Variants in GPAT2 observed in about 807,000 individuals in gnomAD.
The protein encoded by GPAT2 is glycerol-3-phosphate acyltransferase 2, mitochondrial.
Under a neutral mutation model 71.0 loss-of-function variants are expected in GPAT2, and 51 were observed. The observed-to-expected ratio is 0.72, with a 90% CI of 0.57 to 0.91. The LOEUF is 0.91. GPAT2 is among the 40% of genes least tolerant of loss of function. GPAT2 has a pLI of 0.00. For synonymous variants in GPAT2, 222 were observed against 290.3 expected (o/e 0.76, Z 2.39); for missense variants, 511 against 666.0 (o/e 0.77, Z 2.56).
chr2:96,024,485 T>C lies in GPAT2; in HGVS notation c.1629A>G (p.Thr543=). Reference sequence around the variant, plus strand: ...GCTCAGCACTCAGTTGTGCCAGGTGTGTGAGGCCTGGGCCAGGCTGCGGCA... The same window carrying C: ...GCTCAGCACTCAGTTGTGCCAGGTGCGTGAGGCCTGGGCCAGGCTGCGGCA... ...LVVPQPGPGL[T]HLAQLSAELL... is the part of the protein sequence containing the mutation. Residue 543 remains threonine, a synonymous_variant, in exon 15 of 22, where the codon ACA becomes ACG. Coordinates refer to ENST00000434632, the MANE Select transcript of GPAT2 (RefSeq NM_001321527.2). 5 of 1,613,970 alleles carry C rather than the reference T, an allele frequency of 3.1e-6. No homozygotes were observed. The highest frequency in any genetic ancestry group is 4.2e-6 in the Non-Finnish European group (5 of 1,179,932).
Position 96,024,699 on chromosome 2 carries a change from G to C in GPAT2, c.1429-14C>G, listed in dbSNP as rs112622476. The C allele has an allele frequency of 1.7e-5, 28 of 1,613,690 alleles. No homozygotes were observed. Among genetic ancestry groups the C allele is most frequent in the African/African-American group, 1.6e-4 (12 of 74,982 alleles). On this transcript the variant is annotated splice_polypyrimidine_tract_variant and intron_variant, in intron 14 of 21. Coordinates refer to ENST00000434632, the MANE Select transcript of GPAT2 (RefSeq NM_001321527.2). ...CAGGAACACACCCTGGGTGGGCAGA[G>C]CAGGGCTAGGCAGCAGGGCCACACA...
intron 6 of GPAT2, among the ~76,000 whole-genome samples, chr2:96,029,239 A>AGGCTGAT (rs1227849304): frequency 2.8e-5 from 1 of 35,548 alleles, no homozygotes; most frequent in Non-Finnish European, 6.4e-5. Flanking sequence ...ACAGAAAGGG[A>AGGCTGAT]GGCTGATGGC....
In GPAT2 at chr2:96,022,082, CCT is replaced by C. The variant is rs1325051298; in HGVS notation, c.*75_*76del. ...TAGAGCAGCTAAGGGTTTGCAGCCTCCTCTCCATCTTCTGGCTCTAGGACACA... is the reference window on the plus strand; with the variant it reads ...TAGAGCAGCTAAGGGTTTGCAGCCTCCTCCATCTTCTGGCTCTAGGACACA... On this transcript the variant is annotated 3_prime_UTR_variant, in exon 22 of 22. Coordinates refer to ENST00000434632, the MANE Select transcript of GPAT2 (RefSeq NM_001321527.2). The C allele has an allele frequency of 6.5e-7, 1 of 1,547,282 alleles. No individual in the cohort carries two copies. The highest frequency in any genetic ancestry group is 8.7e-7 in the Non-Finnish European group (1 of 1,147,518).
chr2:96,024,979 G>T, intron 13 of GPAT2, 136 bp from the exon 14 acceptor site: 2 of 1,012,916 alleles, frequency 2.0e-6, no homozygotes, highest in South Asian at 1.3e-5. Context: ...CGGAGCAGTG[G>T]TGTTTATCAT....
At chr2:96,023,248 G>T (rs767144302) in intron 18 of GPAT2, 22 bp from the exon 19 acceptor site, 1 of 1,612,828 alleles carries the variant, frequency 6.2e-7, no homozygotes, top group South Asian at 1.1e-5. Context: ...AGGCCGGGGT[G>T]AGTGCAGCTC....
At chr2:96,024,076 G>A in intron 16 of GPAT2, 76 bp from the exon 17 acceptor site, 2 of 1,596,784 alleles carry the variant, frequency 1.3e-6, no homozygotes, top group Non-Finnish European at 1.7e-6. Context: ...GACCGGGCAA[G>A]GCCACACCTA....
rs542047970 is a variant in GPAT2 at position 96,022,159 on chromosome 2, C to T, written c.2406G>A (p.Ter802=). Residue 802 remains the stop codon, a stop_retained_variant, in exon 22 of 22, where the codon TAG becomes TAA. Coordinates refer to ENST00000434632, the MANE Select transcript of GPAT2 (RefSeq NM_001321527.2). ...TCAGCACAGGCTCCTCCTCACAGTT[C>T]TAGCTACAAATGAACTGCCGGATGA... ...EQFIRQFICS[*] The T allele has an allele frequency of 6.2e-7, 1 of 1,610,428 alleles. No homozygotes were observed. Among genetic ancestry groups the T allele is most frequent in the Admixed American group, 1.7e-5 (1 of 59,852 alleles).
Position 96,024,506 on chromosome 2 carries a change from C to T in GPAT2, c.1608G>A (p.Pro536=), listed in dbSNP as rs201979245. 2.6e-5 allele frequency: 42 copies of T among 1,613,794 alleles called. No homozygotes were observed. Among genetic ancestry groups the T allele is most frequent in the Admixed American group, 5.0e-5 (3 of 60,032 alleles). The stretch of plus-strand genomic sequence containing the variant: ...GGTGTGTGAGGCCTGGGCCAGGCTG[C>T]GGCACCACCAGCAAGTCACCCTGAC... ...RIRQGDLLVV[P]QPGPGLTHLA... Residue 536 remains proline (P), a synonymous_variant, in exon 15 of 22, where the codon CCG becomes CCA. Transcript: ENST00000434632.
intron 16 of GPAT2, 44 bp from the exon 17 acceptor site, chr2:96,024,044 C>T: frequency 6.3e-7 from 1 of 1,577,786 alleles, no homozygotes; most frequent in Non-Finnish European, 8.6e-7. Flanking sequence ...GAGCCAGGCA[C>T]ATGGGCAGGG....
At chr2:96,032,005 C>CT (rs1373848878) in intron 3 of GPAT2, 28 bp downstream of exon 3, 1 of 1,482,724 alleles carries the variant, frequency 6.7e-7, no homozygotes, top group Non-Finnish European at 9.2e-7. Flanking sequence ...AAGCTTCCTG[C>CT]TTGGGGCCTG....
chr2:96,031,988 C>T, intron 3 of GPAT2, 45 bp downstream of exon 3: 1 of 1,477,838 alleles, frequency 6.8e-7, no homozygotes, highest in Non-Finnish European at 9.2e-7. Context: ...CTTCGGCTCC[C>T]AGAACCAAGC....
chr2:96,025,318 G>A (rs2104638431), intron 13 of GPAT2, 167 bp downstream of exon 13: 3 of 934,950 alleles, frequency 3.2e-6, no homozygotes, highest in Non-Finnish European at 4.6e-6. Flanking sequence ...CTGGCTGCCT[G>A]CTCCTCCTGT....
chr2:96,026,262 A>G lies in GPAT2; in HGVS notation c.1076T>C (p.Leu359Pro). The G allele has an allele frequency of 1.2e-6, 2 of 1,605,950 alleles. No homozygotes were observed. The highest frequency in any genetic ancestry group is 1.1e-5 in the South Asian group (1 of 90,110). ...GCCCCAGCGGCTCCACAAGCTACGT[A>G]GGACAGCCAGAGCTCCTGTCCACAG... ...LGLWTGALAV[L>P]RSLWSRWGCS... The change falls in exon 11 of 22, where the codon CTA becomes CCA. Residue 359 changes from leucine to proline, a missense_variant. This residue lies in a region of GPAT2 where 79 missense variants were observed against 111.4 expected (regional missense o/e 0.71). Coordinates refer to ENST00000434632, the MANE Select transcript of GPAT2 (RefSeq NM_001321527.2).
At chr2:96,024,916 A>G (rs1680226392) in intron 13 of GPAT2, 73 bp from the exon 14 acceptor site, 1 of 1,546,554 alleles carries the variant, frequency 6.5e-7, no homozygotes, top group African/African-American at 1.4e-5. Flanking sequence ...TGATCTAGCA[A>G]GTCTTCCTAG....
In GPAT2 at chr2:96,024,551, G is replaced by A. The variant is rs374154429; in HGVS notation, c.1563C>T (p.His521=). The change falls in exon 15 of 22, where the codon CAC becomes CAT. Residue 521 remains histidine (H), a synonymous_variant. Transcript: ENST00000434632. ...LQHSLSLLRA[H]VALLRIRQGD... ...CCTGACGGATGCGCAGCAGGGCCAC[G>A]TGCGCCCGCAGCAGGCTCAGTGAGT... 2.9e-5 allele frequency: 46 copies of A among 1,613,726 alleles called. No homozygotes were observed. The highest frequency in any genetic ancestry group is 1.0e-4 in the Admixed American group (6 of 59,990).
At position 96,026,365 on chromosome 2, in the gene GPAT2, G is replaced by C. The variant is rs1680418591; in HGVS notation, c.1033-60C>G. On this transcript the variant is annotated intron_variant, in intron 10 of 21. Coordinates refer to ENST00000434632, the MANE Select transcript of GPAT2 (RefSeq NM_001321527.2). ...GGACACTGCTCTCGGGCGGACATCA[G>C]GGCTGCCCACCCATCCTGGTCTCCA... 2.1e-6 allele frequency: 3 copies of C among 1,398,266 alleles called. No homozygotes were observed. In the East Asian group the frequency reaches 7.8e-5, roughly 36 times the overall value. 86.6% of individuals were successfully genotyped at this position (1,398,266 alleles called of 1,614,324 possible).
At position 96,025,153 on chromosome 2, in the gene GPAT2, G is replaced by A. The variant is rs549554148; in HGVS notation, c.1358-310C>T. 9.6e-4 allele frequency: 547 copies of A among 571,488 alleles called. 3 individuals carry two copies. Among genetic ancestry groups the A allele is most frequent in the South Asian group, 3.7e-3 (175 of 46,842 alleles). The allele number at this position is 571,488 out of a possible 1,614,324, so 35.4% of individuals were successfully genotyped here. A position where few individuals can be genotyped will look rare whatever the true frequency, so the allele number is the denominator to read the frequency against. ...AGGCGCTGTGCTAAGCCCCTTACAC[G>A]TATCATTCCATTCAGTTAACACCAT... On this transcript the variant is annotated intron_variant, in intron 13 of 21. Transcript: ENST00000434632.
Position 96,024,820 on chromosome 2 carries a change from T to C in GPAT2, c.1381A>G (p.Met461Val). The C allele has an allele frequency of 6.2e-7, 1 of 1,613,474 alleles. No homozygotes were observed. Among genetic ancestry groups the C allele is most frequent in the Non-Finnish European group, 8.5e-7 (1 of 1,179,970 alleles). Reference protein sequence around the residue: ...LSASVGSSAVMSTAIMATLLL... With the variant: ...LSASVGSSAVVSTAIMATLLL... ...AGCGTTGCCATAATGGCCGTGCTCA[T>C]CACCGCAGAGCTCCCTACACTGGCT... is the stretch of plus-strand genomic sequence containing the variant. The change falls in exon 14 of 22, where the codon ATG (methionine) becomes GTG (valine). Residue 461 changes from methionine (M) to valine (V), a missense_variant. Physicochemically the swap from Met to Val is conservative, Grantham distance 21 (BLOSUM62 1). Transcript: ENST00000434632.
chr2:96,024,326 G>C lies in GPAT2; in HGVS notation c.1699C>G (p.Arg567Gly). The C allele has an allele frequency of 6.3e-7, 1 of 1,584,324 alleles. No individual in the cohort carries two copies. Among genetic ancestry groups the C allele is most frequent in the Non-Finnish European group, 8.6e-7 (1 of 1,163,158 alleles). Residue 567 changes from arginine to glycine, a missense_variant, in exon 16 of 22, where the codon CGG (arginine) becomes GGG (glycine). Physicochemically the swap from Arg to Gly is moderately radical, Grantham distance 125. Around this residue, in one of 7 missense-constraint regions of GPAT2, gnomAD observed 295 missense variants for 305.5 expected, o/e 0.97. Coordinates refer to ENST00000434632, the MANE Select transcript of GPAT2 (RefSeq NM_001321527.2). ...LSEAVGACAV[R>G]GLLAGRVPPQ... ...GGCACTCTGCCTGCCAGCAGCCCCC[G>C]CACTGCACAGGCTGGGGGCGGAGGG... is the stretch of plus-strand genomic sequence containing the variant.
Sources: allele counts gnomAD v4.1 joint callset (sites outside exome capture counted in the v4.1 genomes callset), GRCh38; gene constraint gnomAD v4.1.1; regional missense constraint gnomAD v4.1.1; transcripts MANE v1.5; gene names NCBI Gene and HGNC (gene_info 2026-07-23, HGNC 2026-07-21).